The following HECW2 variants were observed in gnomAD, a reference collection of about 807,000 sequenced individuals.
HECW2 encodes the protein E3 ubiquitin-protein ligase HECW2.
In HECW2, 61 loss-of-function variants were observed where a neutral mutation model predicts 175.2. That is an observed-to-expected ratio of 0.35 (90% CI 0.28 to 0.43). The LOEUF is 0.43. HECW2 is among the 20% of genes least tolerant of loss of function. HECW2 has a pLI of 1.00. For synonymous variants in HECW2, 671 were observed against 731.0 expected, an observed-to-expected ratio of 0.92 and a Z score of 1.32; for missense variants, 1,524 against 2,000.5, an observed-to-expected ratio of 0.76 and a Z score of 4.54.
intron 1 of HECW2, among the ~76,000 whole-genome samples, chr2:196,495,904 A>G (rs1425691703): frequency 6.6e-6 from 1 of 152,186 alleles, no homozygotes; most frequent in African/African-American, 2.4e-5. Context: ...GGCGGAAAGT[A>G]TAAAATAGAC....
chr2:196,323,725 T>G (rs1692033703), intron 6 of HECW2, among the ~76,000 whole-genome samples: 1 of 152,212 alleles, frequency 6.6e-6, no homozygotes, highest in Admixed American at 6.5e-5. Flanking sequence ...TGCCTCCCTT[T>G]CAGGCTTGCA....
At chr2:196,383,628 G>A (rs1694268398) in intron 2 of HECW2, among the ~76,000 whole-genome samples, 1 of 152,206 alleles carries the variant, frequency 6.6e-6, no homozygotes, top group Non-Finnish European at 1.5e-5. Flanking sequence ...CAAGATTTAA[G>A]AGGACAAAGC....
At chr2:196,359,664 A>T (rs532119165) in intron 2 of HECW2, among the ~76,000 whole-genome samples, 6 of 152,256 alleles carry the variant, frequency 3.9e-5, no homozygotes, top group Non-Finnish European at 8.8e-5. Context: ...GGAGTAAATT[A>T]TTCCTTTGAT....
At chr2:196,230,466 T>C (rs375273501) in intron 21 of HECW2, among the ~76,000 whole-genome samples, 17 of 152,296 alleles carry the variant, frequency 1.1e-4, no homozygotes, top group African/African-American at 3.6e-4. Flanking sequence ...GGTTTAGCAG[T>C]TTCCATCTCC....
At chr2:196,554,398 G>A (rs1268798712) in intron 1 of HECW2, among the ~76,000 whole-genome samples, 1 of 152,270 alleles carries the variant, frequency 6.6e-6, no homozygotes, top group South Asian at 2.1e-4. Context: ...GCTCATCATC[G>A]TATTGATGTT....
intron 1 of HECW2, among the ~76,000 whole-genome samples, chr2:196,448,309 CTCACTCCCATGTT>C (rs1335601537): frequency 6.6e-6 from 1 of 152,158 alleles, no homozygotes; most frequent in Non-Finnish European, 1.5e-5. Flanking sequence ...GCTCCCATCC[CTCACTCCCATGTT>C]ATCATGCAGC....
chr2:196,222,073 C>T, intron 24 of HECW2, 138 bp downstream of exon 24: 1 of 644,122 alleles, frequency 1.6e-6, no homozygotes, highest in Non-Finnish European at 2.5e-6. Flanking sequence ...GTTATTATAA[C>T]TGTGTGTGAT....
At chr2:196,359,274 C>T (rs1039140861) in intron 2 of HECW2, among the ~76,000 whole-genome samples, 30 of 152,234 alleles carry the variant, frequency 2.0e-4, no homozygotes, top group Middle Eastern at 3.4e-3. Flanking sequence ...ATGGTGAAAT[C>T]CTGTTTCTAC....
chr2:196,215,850 T>C lies in HECW2; in HGVS notation c.4607+15A>G. 1.3e-6 allele frequency: 2 copies of C among 1,535,882 alleles called. No homozygotes were observed. The highest frequency in any genetic ancestry group is 1.8e-6 in the Non-Finnish European group (2 of 1,109,080). ...AAATGTTGTGACAGTAAAGAAATGT[T>C]ATTTTATATTTTACCTGGGAAGAGC... On this transcript the variant is annotated intron_variant, in intron 28 of 28. Coordinates refer to ENST00000644978, the MANE Select transcript of HECW2 (RefSeq NM_001348768.2).
chr2:196,527,991 C>T (rs1688726904), intron 1 of HECW2, among the ~76,000 whole-genome samples: 1 of 152,210 alleles, frequency 6.6e-6, no homozygotes, highest in South Asian at 2.1e-4. Flanking sequence ...GTTCATAAAG[C>T]CCATAAAAGA....
chr2:196,498,932 G>T (rs1410936841), intron 1 of HECW2, among the ~76,000 whole-genome samples: 1 of 151,964 alleles, frequency 6.6e-6, no homozygotes, highest in African/African-American at 2.4e-5. Context: ...ACCCAGACTG[G>T]TAACATGCAC....
intron 1 of HECW2, among the ~76,000 whole-genome samples, chr2:196,489,432 T>C (rs1687113862): frequency 6.6e-6 from 1 of 151,112 alleles, no homozygotes; most frequent in Admixed American, 6.6e-5. Flanking sequence ...CACAGCTAAA[T>C]TCAACAGGGA....
At chr2:196,310,000 T>C (rs902392020) in intron 10 of HECW2, among the ~76,000 whole-genome samples, 2 of 152,220 alleles carry the variant, frequency 1.3e-5, no homozygotes, top group African/African-American at 4.8e-5. Flanking sequence ...AAGTGAAATA[T>C]GACTATGGCT....
chr2:196,274,283 T>C (rs548469600), intron 15 of HECW2, among the ~76,000 whole-genome samples, 160 bp from the exon 16 acceptor site: 1 of 152,318 alleles, frequency 6.6e-6, no homozygotes, highest in Non-Finnish European at 1.5e-5. Context: ...TTCTTAGTTA[T>C]TGAAAGCCTT....
chr2:196,394,206 C>T (rs1306035440), intron 2 of HECW2, among the ~76,000 whole-genome samples: 2 of 151,888 alleles, frequency 1.3e-5, no homozygotes, highest in African/African-American at 2.4e-5. Flanking sequence ...ATGTAAATGA[C>T]GAGTTAATGG....
At chr2:196,267,825 T>A (rs1199689642) in intron 17 of HECW2, among the ~76,000 whole-genome samples, 1 of 152,230 alleles carries the variant, frequency 6.6e-6, no homozygotes, top group East Asian at 1.9e-4. Flanking sequence ...TCTCAAGGGC[T>A]ACCACTTTTA....
At position 196,274,012 on chromosome 2, in the gene HECW2, A is replaced by G. The variant is rs201438025; in HGVS notation, c.3238+9T>C. On this transcript the variant is annotated intron_variant, in intron 16 of 28. Transcript: ENST00000644978. ...AAGGACAGATGATTTCTGGAAAGGG[A>G]TGACATACCCACTGGAACCATGTCC... 6.4e-5 allele frequency: 101 copies of G among 1,580,826 alleles called. No homozygotes were observed. The East Asian group carries it at 1.9e-3, about 30-fold the overall frequency.
chr2:196,584,640 T>C (rs982528104), intron 1 of HECW2, among the ~76,000 whole-genome samples: 1 of 152,148 alleles, frequency 6.6e-6, no homozygotes, highest in Non-Finnish European at 1.5e-5. Context: ...CCATTGCTGC[T>C]TAGCATCCCC....
chr2:196,510,335 A>T (rs1687902662), intron 1 of HECW2, among the ~76,000 whole-genome samples: 1 of 152,206 alleles, frequency 6.6e-6, no homozygotes, highest in African/African-American at 2.4e-5. Flanking sequence ...AATTGAGGTG[A>T]TGTGGGGAAG....
Sources: allele counts gnomAD v4.1 joint callset (sites outside exome capture counted in the v4.1 genomes callset), GRCh38; gene constraint gnomAD v4.1.1; transcripts MANE v1.5; gene names NCBI Gene and HGNC (gene_info 2026-07-23, HGNC 2026-07-21).